STOX2: variants seen among roughly 807,000 people sequenced by gnomAD.
STOX2 encodes the protein storkhead box 2, also known as storkhead-box protein 2.
Under a neutral mutation model 60.9 loss-of-function variants are expected in STOX2, and 28 were observed. The ratio of observed to expected loss-of-function variants is 0.46; its 90% CI spans 0.34 to 0.63. The LOEUF is 0.63. STOX2 is among the 30% of genes least tolerant of loss of function. STOX2 has a pLI of 0.01. For missense variants in STOX2, 1,024 were observed against 1,187.7 expected (o/e 0.86, Z 2.03); for synonymous variants, 472 against 463.9 (o/e 1.02, Z -0.22).
intron 1 of STOX2, among the ~76,000 whole-genome samples, chr4:183,823,164 G>A (rs530129955): frequency 7.2e-5 from 11 of 152,362 alleles, no homozygotes; most frequent in Admixed American, 6.5e-4. Flanking sequence ...GGGAGGCCAA[G>A]GTGGGTGGAT....
chr4:183,823,302 A>G (rs895919166), intron 1 of STOX2, among the ~76,000 whole-genome samples: 1 of 152,186 alleles, frequency 6.6e-6, no homozygotes, highest in African/African-American at 2.4e-5. Context: ...AGGCTGAGGC[A>G]GGGGAATCAC....
At chr4:183,847,224 A>T (rs1401704293) in intron 1 of STOX2, among the ~76,000 whole-genome samples, 1 of 152,182 alleles carries the variant, frequency 6.6e-6, no homozygotes, top group African/African-American at 2.4e-5. Flanking sequence ...TCTCAGGTCT[A>T]TTCTGAGCAT....
At chr4:183,839,473 G>C (rs937758346) in intron 1 of STOX2, among the ~76,000 whole-genome samples, 2 of 152,166 alleles carry the variant, frequency 1.3e-5, no homozygotes, top group African/African-American at 4.8e-5. Context: ...CCACTTGAGG[G>C]CACCATGAAC....
chr4:183,962,852 A>T (rs767675182), intron 1 of STOX2, among the ~76,000 whole-genome samples: 2 of 152,236 alleles, frequency 1.3e-5, no homozygotes, highest in Admixed American at 6.5e-5. Context: ...CAAGAAATTT[A>T]AAAATACTTT....
Position 183,856,797 on chromosome 4 carries a change from A to G in STOX2, c.364+58742A>G, listed in dbSNP as rs1348790331. Among the ~76,000 whole-genome samples the G allele has an allele frequency of 2.6e-5, 4 of 152,218 alleles. No homozygotes were observed. Among genetic ancestry groups the G allele is most frequent in the African/African-American group, 9.6e-5 (4 of 41,460 alleles). On this transcript the variant is annotated intron_variant, in intron 1 of 2. Transcript: ENST00000513034. The surrounding 1 kb of genome is among the most constrained non-coding windows in gnomAD (Gnocchi z 4.0). Reference sequence around the variant, plus strand: ...GTAGTGTCTGTTTAATAGTTACTGCATATATATTAATGTGTGTAGCTTTAT... The same window carrying G: ...GTAGTGTCTGTTTAATAGTTACTGCGTATATATTAATGTGTGTAGCTTTAT...
intron 1 of STOX2, among the ~76,000 whole-genome samples, chr4:183,913,067 C>A (rs564528358): frequency 6.6e-6 from 1 of 151,942 alleles, no homozygotes; most frequent in Non-Finnish European, 1.5e-5. Context: ...AACAGAAGGA[C>A]GTTGCTTAGA....
chr4:183,956,959 T>TTCTTG (rs1366466374), intron 1 of STOX2, among the ~76,000 whole-genome samples: 5 of 135,504 alleles, frequency 3.7e-5, no homozygotes, highest in African/African-American at 1.4e-4. Flanking sequence ...ACTGTGTAAG[T>TTCTTG]TGTGTGGTGT....
In STOX2 at chr4:183,822,000, C is replaced by G. The variant is rs142499319; in HGVS notation, c.364+23945C>G. 2.5e-3 allele frequency among the ~76,000 whole-genome samples: 375 copies of G among 152,368 alleles called. 3 individuals are homozygous for G. The highest frequency in any genetic ancestry group is 8.8e-3 in the African/African-American group (368 of 41,588). ...GTTTGTGTCGGGTCTTGCAGCCAGG[C>G]TGGCTGGGGGTGCCTAGGTCTCTGG... On this transcript the variant is annotated intron_variant, in intron 1 of 2. Coordinates refer to the STOX2 transcript ENST00000513034. The surrounding 1 kb of genome is among the most constrained non-coding windows in gnomAD (Gnocchi z 4.2).
At chr4:183,805,562 C>G (rs1229161017) in intron 1 of STOX2, among the ~76,000 whole-genome samples, 3 of 152,216 alleles carry the variant, frequency 2.0e-5, no homozygotes, top group African/African-American at 7.2e-5. Flanking sequence ...AATCCCAGCA[C>G]TTTGGGATGC....
At chr4:183,955,000 C>T (rs1455723710) in intron 1 of STOX2, among the ~76,000 whole-genome samples, 1 of 152,248 alleles carries the variant, frequency 6.6e-6, no homozygotes, top group Non-Finnish European at 1.5e-5. Flanking sequence ...CACGCCCGGC[C>T]CCCCAACCAA....
At chr4:183,995,291 C>CTTTTTTTTTTTTTTTT (rs61681165) in intron 1 of STOX2, among the ~76,000 whole-genome samples, 9 of 79,450 alleles carry the variant, frequency 1.1e-4, no homozygotes, top group Admixed American at 3.0e-4. Flanking sequence ...TTATTTTAGT[C>CTTTTTTTTTTTTTTTT]TTTTTTTTTT....
intron 1 of STOX2, among the ~76,000 whole-genome samples, chr4:183,966,115 CAGAG>C (rs1743559003): frequency 6.6e-6 from 1 of 151,982 alleles, no homozygotes; most frequent in South Asian, 2.1e-4. Flanking sequence ...GTCAGGCAAT[CAGAG>C]AGAGTTTTGG....
intron 1 of STOX2, among the ~76,000 whole-genome samples, chr4:183,886,348 AGG>A (rs35766551): frequency 1.8e-5 from 2 of 113,916 alleles, no homozygotes; most frequent in South Asian, 6.0e-4. Context: ...CACAACAGAA[AGG>A]GGGGGGAATG....
chr4:183,839,508 A>C (rs1187990979), intron 1 of STOX2, among the ~76,000 whole-genome samples: 2 of 152,230 alleles, frequency 1.3e-5, no homozygotes, highest in South Asian at 2.1e-4. Context: ...GTTGTGGCTC[A>C]TCCGCTGTTC....
chr4:184,011,072 C>T lies in STOX2; in HGVS notation c.2234C>T (p.Ser745Phe). The change falls in exon 3 of 4, where the codon TCC (serine) becomes TTC (phenylalanine). Residue 745 changes from serine (S) to phenylalanine (F), a missense_variant. Physicochemically the swap from Ser to Phe is radical, Grantham distance 155. This residue lies in a region of STOX2 where 922 missense variants were observed against 1,058.3 expected (regional missense o/e 0.87). Transcript: ENST00000308497. The surrounding 1 kb of genome is among the most constrained non-coding windows in gnomAD (Gnocchi z 4.4). ...GGCCGATGTGAGAAACTGGAACCGTCCCTGGGGACCTCGGCGGCACAAGCC... is the reference window on the plus strand; with the variant it reads ...GGCCGATGTGAGAAACTGGAACCGTTCCTGGGGACCTCGGCGGCACAAGCC... ...LPGRCEKLEP[S>F]LGTSAAQAMP... The T allele has an allele frequency of 6.2e-7, 1 of 1,607,520 alleles. No homozygotes were observed.
intron 1 of STOX2, among the ~76,000 whole-genome samples, chr4:183,819,482 A>C (rs1280034902): frequency 6.7e-6 from 1 of 150,038 alleles, no homozygotes; most frequent in Non-Finnish European, 1.5e-5. Context: ...TGCAGTGAGC[A>C]GAGATGGTGG....
rs868209260 is a variant in STOX2, at chr4:183,815,225, C to T, written c.364+17170C>T. Among the ~76,000 whole-genome samples, 5 of 151,686 alleles carry T rather than the reference C, an allele frequency of 3.3e-5. No homozygotes were observed. In the East Asian group the frequency reaches 7.7e-4, roughly 23 times the overall value. On this transcript the variant is annotated intron_variant, in intron 1 of 2. Coordinates refer to the STOX2 transcript ENST00000513034. ...TTGCCAGGCTGGTCTCCAACTCAAG[C>T]GATCCTCCCGTCTCAGCCTCCCAAT...
At chr4:183,998,079 A>G (rs1195895451) in intron 1 of STOX2, among the ~76,000 whole-genome samples, 1 of 152,208 alleles carries the variant, frequency 6.6e-6, no homozygotes, top group African/African-American at 2.4e-5. Context: ...TATGACCTAT[A>G]CAAAAATCTG....
chr4:183,849,522 G>T (rs1254475122), intron 1 of STOX2, among the ~76,000 whole-genome samples: 1 of 152,234 alleles, frequency 6.6e-6, no homozygotes, highest in African/African-American at 2.4e-5. Context: ...CAATGCTGGA[G>T]GGTGAGCCTA....
Sources: allele counts gnomAD v4.1 joint callset (sites outside exome capture counted in the v4.1 genomes callset), GRCh38; gene constraint gnomAD v4.1.1; regional missense constraint gnomAD v4.1.1; non-coding constraint Gnocchi (gnomAD v3.1); transcripts MANE v1.5; gene names NCBI Gene and HGNC (gene_info 2026-07-23, HGNC 2026-07-21).